ART3: variants seen among roughly 807,000 people sequenced by gnomAD.
ART3 encodes the protein ADP-ribosyltransferase 3 (inactive).
Under a neutral mutation model 48.5 loss-of-function variants are expected in ART3, and 49 were observed. The observed-to-expected ratio is 1.01, with a 90% CI of 0.80 to 1.28. The LOEUF (loss-of-function observed/expected upper bound fraction) is 1.28. Among genes scored for constraint, ART3 ranks in the 50% most tolerant of loss-of-function variants. ART3 has a pLI of 0.00. For missense variants in ART3, 438 were observed against 454.3 expected (o/e 0.96, Z 0.33); for synonymous variants, 145 against 157.2 (o/e 0.92, Z 0.58).
Position 76,104,610 on chromosome 4 carries a change from A to G in ART3, c.984A>G (p.Pro328=). The G allele has an allele frequency of 6.4e-7, 1 of 1,551,630 alleles. No homozygotes were observed. The highest frequency in any genetic ancestry group is 2.4e-5 in the East Asian group (1 of 40,916). Reference sequence around the variant, plus strand: ...CTTCTCATTTAGGAATGAAAATTCCAGAACCTTTTCCACTACCTGGTAAGC... The same window carrying G: ...CTTCTCATTTAGGAATGAAAATTCCGGAACCTTTTCCACTACCTGGTAAGC... The part of the protein sequence containing the change: ...EPTQIPGMKI[P]EPFPLPEDKS... Residue 328 remains proline, a synonymous_variant, in exon 10 of 12, where the codon CCA becomes CCG. Coordinates refer to ENST00000355810, the MANE Select transcript of ART3 (RefSeq NM_001130016.3).
At chr4:76,069,575 A>G (rs1720111424) in intron 1 of ART3, among the ~76,000 whole-genome samples, 1 of 151,592 alleles carries the variant, frequency 6.6e-6, no homozygotes, top group South Asian at 2.1e-4. Flanking sequence ...TTTTTAGTAG[A>G]TACACGGTTT....
At chr4:76,083,056 G>A (rs1722827693) in intron 3 of ART3, among the ~76,000 whole-genome samples, 1 of 152,156 alleles carries the variant, frequency 6.6e-6, no homozygotes, top group Admixed American at 6.5e-5. Flanking sequence ...AAATTAGCCA[G>A]GCATGGTGGC....
At chr4:76,069,610 G>A (rs1049780185) in intron 1 of ART3, among the ~76,000 whole-genome samples, 4 of 151,586 alleles carry the variant, frequency 2.6e-5, no homozygotes, top group African/African-American at 9.7e-5. Flanking sequence ...GGCCAGTCTC[G>A]AACTCCTGAT....
At chr4:76,082,706 A>G (rs915704587) in intron 3 of ART3, among the ~76,000 whole-genome samples, 171 bp downstream of exon 3, 3 of 152,160 alleles carry the variant, frequency 2.0e-5, no homozygotes, top group Non-Finnish European at 4.4e-5. Flanking sequence ...AAAATTGTAC[A>G]TTTACAGTAT....
Position 76,112,368 on chromosome 4 carries a change from G to A in ART3, c.1037-18G>A. The A allele has an allele frequency of 4.3e-6, 7 of 1,609,938 alleles. No individual in the cohort carries two copies. The highest frequency in any genetic ancestry group is 1.7e-4 in the Middle Eastern group (1 of 6,032). On this transcript the variant is annotated intron_variant, in intron 11 of 11. Transcript: ENST00000355810. ...CATAAAAAATGATGTGTCAGTGACT[G>A]TGTATTCTTGTTAACAGCTCCAGGT...
chr4:76,015,878 C>T (rs1038323982), intron 1 of ART3, among the ~76,000 whole-genome samples: 1 of 152,210 alleles, frequency 6.6e-6, no homozygotes, highest in African/African-American at 2.4e-5. Context: ...ATCCTCTGGC[C>T]TTGGCCTCCT....
At chr4:76,080,585 C>A (rs766776693) in intron 2 of ART3, among the ~76,000 whole-genome samples, 1 of 151,974 alleles carries the variant, frequency 6.6e-6, no homozygotes, top group Non-Finnish European at 1.5e-5. Flanking sequence ...GTCTCCGCTC[C>A]CTGCAACCTC....
chr4:76,060,634 A>G (rs1719125578), intron 1 of ART3, among the ~76,000 whole-genome samples: 1 of 152,214 alleles, frequency 6.6e-6, no homozygotes, highest in African/African-American at 2.4e-5. Flanking sequence ...ACCTCAAAAT[A>G]CATATATACA....
intron 8 of ART3, among the ~76,000 whole-genome samples, chr4:76,101,425 A>C (rs1478945919): frequency 6.6e-6 from 1 of 152,256 alleles, no homozygotes; most frequent in South Asian, 2.1e-4. Flanking sequence ...TATTTAGTAC[A>C]TTCCAAGTGT....
At chr4:76,048,417 G>T (rs896977748) in intron 1 of ART3, among the ~76,000 whole-genome samples, 1 of 151,766 alleles carries the variant, frequency 6.6e-6, no homozygotes, top group Non-Finnish European at 1.5e-5. Context: ...GGTCAAATTG[G>T]TCCCAATGGC....
chr4:76,030,504 C>T (rs1733781148), intron 1 of ART3, among the ~76,000 whole-genome samples: 1 of 152,152 alleles, frequency 6.6e-6, no homozygotes, highest in Admixed American at 6.5e-5. Flanking sequence ...TAAAATTTAC[C>T]ATTTTAACCA....
intron 3 of ART3, among the ~76,000 whole-genome samples, chr4:76,090,767 A>G (rs1423104954): frequency 2.0e-5 from 3 of 152,250 alleles, no homozygotes; most frequent in Non-Finnish European, 4.4e-5. Flanking sequence ...GATATGCAAT[A>G]AACTGCACAT....
At chr4:76,086,360 T>A (rs182855561) in intron 3 of ART3, among the ~76,000 whole-genome samples, 51 of 152,172 alleles carry the variant, frequency 3.4e-4, no homozygotes, top group African/African-American at 1.1e-3. Context: ...TTAGGCTAAG[T>A]GAAATAAGCC....
At chr4:76,064,834 ATT>A (rs5859490) in intron 1 of ART3, among the ~76,000 whole-genome samples, 5 of 146,104 alleles carry the variant, frequency 3.4e-5, no homozygotes, top group African/African-American at 5.1e-5. Flanking sequence ...TATTGAGTAA[ATT>A]TTTTTTTTTT....
intron 1 of ART3, among the ~76,000 whole-genome samples, chr4:76,067,846 C>T (rs1199719821): frequency 6.6e-6 from 1 of 152,206 alleles, no homozygotes; most frequent in Admixed American, 6.5e-5. Context: ...CTGGTGCTGA[C>T]CTCTAGCGGT....
chr4:76,100,867 G>A, intron 7 of ART3, 43 bp downstream of exon 7: 1 of 1,603,280 alleles, frequency 6.2e-7, no homozygotes, highest in African/African-American at 1.3e-5. Context: ...CATTTTACAA[G>A]ATACCTCCCT....
intron 3 of ART3, among the ~76,000 whole-genome samples, chr4:76,089,456 C>T (rs1233305465): frequency 6.6e-6 from 1 of 152,242 alleles, no homozygotes; most frequent in East Asian, 1.9e-4. Flanking sequence ...AAATGTGTAG[C>T]ATCTTCCCCC....
chr4:76,041,579 T>G (rs1734977812), intron 1 of ART3, among the ~76,000 whole-genome samples: 1 of 151,176 alleles, frequency 6.6e-6, no homozygotes, highest in Non-Finnish European at 1.5e-5. Flanking sequence ...ACAGATGAAA[T>G]TAATTTAAAT....
rs139436592 is a variant in ART3, at chr4:76,088,018, G to C, written c.781+5483G>C. 2.8e-3 allele frequency among the ~76,000 whole-genome samples: 423 copies of C among 152,172 alleles called. 2 individuals are homozygous for C. The highest frequency in any genetic ancestry group is 4.4e-3 in the Admixed American group (68 of 15,300). On this transcript the variant is annotated intron_variant, in intron 3 of 11. Transcript: ENST00000355810. ...CTGAGGCAAGAGGATCCCTTGACCCGAGGGATTCAGGTGCAGCCTGGGCAA... is the reference window on the plus strand; with the variant it reads ...CTGAGGCAAGAGGATCCCTTGACCCCAGGGATTCAGGTGCAGCCTGGGCAA...
Sources: gnomAD v4.1 joint callset for allele counts (sites outside exome capture counted in the v4.1 genomes callset) on GRCh38, gnomAD v4.1.1 for gene constraint, MANE v1.5 for transcripts, NCBI Gene and HGNC (gene_info 2026-07-23, HGNC 2026-07-21) for gene names.